Variants in CDH13 observed in about 807,000 individuals in gnomAD.
CDH13 encodes the protein cadherin 13.
Under a neutral mutation model 63.8 loss-of-function variants are expected in CDH13, and 24 were observed. The observed-to-expected ratio is 0.38, with a 90% CI of 0.27 to 0.53. CDH13 has a LOEUF of 0.53. CDH13 is among the 20% of genes least tolerant of loss of function. The pLI, the probability that CDH13 is intolerant of heterozygous loss-of-function variation, is 0.85. For missense variants in CDH13, 1,049 were observed against 903.1 expected (o/e 1.16, Z -2.07); for synonymous variants, 503 against 355.3 (o/e 1.42, Z -4.67).
At chr16:83,744,828 C>G (rs1367176547) in intron 10 of CDH13, among the ~76,000 whole-genome samples, 1 of 152,224 alleles carries the variant, frequency 6.6e-6, no homozygotes, top group African/African-American at 2.4e-5. Context: ...AGTAGCTTGC[C>G]AGGCTCACTG....
intron 1 of CDH13, among the ~76,000 whole-genome samples, chr16:82,666,248 CAG>C (rs1288412351): frequency 6.6e-6 from 1 of 152,188 alleles, no homozygotes; most frequent in Non-Finnish European, 1.5e-5. Context: ...ACCAGAAACA[CAG>C]GGGAATGGAA....
At chr16:83,729,927 T>C (rs144421589) in intron 10 of CDH13, among the ~76,000 whole-genome samples, 116 of 152,340 alleles carry the variant, frequency 7.6e-4, no homozygotes, top group African/African-American at 2.7e-3. Flanking sequence ...AAGAGGGGTT[T>C]TGAAGCTGAC....
chr16:82,974,138 C>T (rs902336105), intron 2 of CDH13, among the ~76,000 whole-genome samples: 2 of 152,290 alleles, frequency 1.3e-5, no homozygotes, highest in African/African-American at 2.4e-5. Flanking sequence ...AGGGTTTCAG[C>T]ACGTTGGCCA....
At chr16:83,266,535 C>G (rs1386100170) in intron 5 of CDH13, among the ~76,000 whole-genome samples, 1 of 152,100 alleles carries the variant, frequency 6.6e-6, no homozygotes, top group Non-Finnish European at 1.5e-5. Flanking sequence ...ATCAGGAACC[C>G]ACTCCCACTG....
intron 5 of CDH13, among the ~76,000 whole-genome samples, chr16:83,259,948 T>G (rs1479552583): frequency 2.0e-5 from 3 of 152,132 alleles, no homozygotes; most frequent in African/African-American, 7.2e-5. Flanking sequence ...TCTTGAGTGA[T>G]TCTAACAATT....
At chr16:83,703,999 T>C (rs1201598635) in intron 10 of CDH13, among the ~76,000 whole-genome samples, 1 of 152,218 alleles carries the variant, frequency 6.6e-6, no homozygotes, top group Non-Finnish European at 1.5e-5. Flanking sequence ...AAAAAGGCTT[T>C]TTGCTTTGTA....
At chr16:83,385,547 A>G (rs763277760) in intron 6 of CDH13, among the ~76,000 whole-genome samples, 27 of 152,152 alleles carry the variant, frequency 1.8e-4, no homozygotes, top group Non-Finnish European at 2.5e-4. Flanking sequence ...CAAAATGTCT[A>G]ATGCAAATAG....
At chr16:83,260,242 C>T (rs542783038) in intron 5 of CDH13, among the ~76,000 whole-genome samples, 1 of 151,722 alleles carries the variant, frequency 6.6e-6, no homozygotes, top group Non-Finnish European at 1.5e-5. Context: ...TGGTCATGAC[C>T]TATAAATTGA....
chr16:82,788,090 C>G (rs2036109121), intron 1 of CDH13, among the ~76,000 whole-genome samples: 1 of 152,058 alleles, frequency 6.6e-6, no homozygotes, highest in East Asian at 1.9e-4. Context: ...AGGCTATAAC[C>G]AAATATAATT....
chr16:83,303,731 T>C (rs995556738), intron 5 of CDH13, among the ~76,000 whole-genome samples: 1 of 152,192 alleles, frequency 6.6e-6, no homozygotes, highest in African/African-American at 2.4e-5. Context: ...CAGAGAAACC[T>C]TGAGGCTACT....
intron 1 of CDH13, among the ~76,000 whole-genome samples, chr16:82,801,802 C>T (rs544992824): frequency 6.7e-6 from 1 of 150,176 alleles, no homozygotes; most frequent in East Asian, 2.0e-4. Context: ...TAGATTGGGT[C>T]AGGAGATAGC....
chr16:83,038,879 A>G (rs1275658438), intron 3 of CDH13, among the ~76,000 whole-genome samples: 1 of 152,228 alleles, frequency 6.6e-6, no homozygotes, highest in Non-Finnish European at 1.5e-5. Flanking sequence ...CTGATTATAG[A>G]TCATGGCAAG....
intron 5 of CDH13, among the ~76,000 whole-genome samples, chr16:83,226,979 T>C (rs1401456365): frequency 1.3e-5 from 2 of 152,170 alleles, no homozygotes; most frequent in Non-Finnish European, 2.9e-5. Context: ...GCATTAGTGG[T>C]GTGGACTGGA....
intron 3 of CDH13, among the ~76,000 whole-genome samples, chr16:83,110,031 G>A (rs533598676): frequency 6.6e-6 from 1 of 152,272 alleles, no homozygotes; most frequent in East Asian, 1.9e-4. Context: ...TTTAACTAGC[G>A]GTTCAAACGT....
intron 1 of CDH13, among the ~76,000 whole-genome samples, chr16:82,752,855 G>A (rs72805929): frequency 0.029 from 4,465 of 152,294 alleles, 116 homozygotes; most frequent in Non-Finnish European, 0.04. Flanking sequence ...TGTGGCACTG[G>A]GGAGGGATGT....
chr16:83,567,161 C>G (rs9927053), intron 7 of CDH13, among the ~76,000 whole-genome samples: 23,530 of 152,260 alleles, frequency 0.15, 1,888 homozygotes, highest in Admixed American at 0.22. Context: ...CCCAGCCAGG[C>G]TTAGCTGCCA....
intron 6 of CDH13, among the ~76,000 whole-genome samples, chr16:83,347,011 G>A (rs1036157320): frequency 3.3e-5 from 5 of 152,136 alleles, no homozygotes; most frequent in Admixed American, 6.5e-5. Context: ...AAAGCACGCA[G>A]TGAAATAGAA....
At chr16:82,632,947 C>T (rs1483529346) in intron 1 of CDH13, among the ~76,000 whole-genome samples, 2 of 152,120 alleles carry the variant, frequency 1.3e-5, no homozygotes, top group East Asian at 3.9e-4. Flanking sequence ...CCCATGCACG[C>T]ACACAGTTCA....
intron 1 of CDH13, among the ~76,000 whole-genome samples, chr16:82,797,774 C>T (rs375215542): frequency 1.5e-4 from 22 of 145,646 alleles, no homozygotes; most frequent in East Asian, 2.0e-4. Context: ...ACTTTAGGGC[C>T]GTGTGTGTGT....
Sources: allele counts gnomAD v4.1 joint callset (sites outside exome capture counted in the v4.1 genomes callset), GRCh38; gene constraint gnomAD v4.1.1; transcripts MANE v1.5; gene names NCBI Gene and HGNC (gene_info 2026-07-23, HGNC 2026-07-21).